Variants in TTN observed in about 807,000 individuals in gnomAD.
The protein encoded by TTN is connectin.
In TTN, 1,525 loss-of-function variants were observed where a neutral mutation model predicts 3,223.0. That is an observed-to-expected ratio of 0.47 (90% CI 0.45 to 0.49). The LOEUF (loss-of-function observed/expected upper bound fraction) is 0.49. Ranked by LOEUF, TTN falls within the 20% of genes least tolerant of loss-of-function variation. The pLI, the probability that TTN is intolerant of heterozygous loss-of-function variation, is 0.00. For missense variants in TTN, 40,786 were observed against 43,424.0 expected (o/e 0.94, Z 5.40); for synonymous variants, 14,094 against 15,161.0 (o/e 0.93, Z 5.17).
rs1347430347 is a variant in TTN at position 178,590,360 on chromosome 2, C to A, written c.61365G>T (p.Glu20455Asp). 4 of 1,577,816 alleles carry A rather than the reference C, an allele frequency of 2.5e-6. No homozygotes were observed. In the African/African-American group the frequency reaches 5.4e-5, roughly 21 times the overall value. The change falls in exon 304 of 363, where the codon GAG (glutamate) becomes GAT (aspartate). Residue 20455 changes from glutamate (E) to aspartate (D), a missense_variant. Coordinates refer to ENST00000589042, the MANE Select transcript of TTN (RefSeq NM_001267550.2). ...FRIKAANIVG[E>D]GEPRELAESV... is the part of the protein sequence containing the mutation. ...ATTCTGCTAGTTCTCTTGGCTCACC[C>A]TCTCCTACAATATTAGCTGCCTTTA... is the stretch of plus-strand genomic sequence containing the variant.
rs759560479 is a variant in TTN at position 178,701,222 on chromosome 2, G to A, written c.30599-19C>T. On this transcript the variant is annotated intron_variant, in intron 110 of 362. Coordinates refer to ENST00000589042, the MANE Select transcript of TTN (RefSeq NM_001267550.2). ...GGGATTTCTGAAGAAAATAAATGCC[G>A]TTAGTAACATGTTTTAGTTTCTTAT... The A allele has an allele frequency of 5.2e-5, 82 of 1,591,574 alleles. No individual in the cohort carries two copies. The highest frequency in any genetic ancestry group is 6.7e-5 in the Non-Finnish European group (78 of 1,168,202).
At position 178,576,632 on chromosome 2, in the gene TTN, C is replaced by T; in HGVS notation, c.69612G>A (p.Leu23204=). ...VSDLRCKVTG[L]QEGSTYEFRV... is the part of the protein sequence containing the mutation. ...GGAATTCGTAGGTGCTTCCTTCTTG[C>T]AGTCCTGTTACTTTGCACCTGAGAT... The change falls in exon 325 of 363, where the codon CTG becomes CTA. Residue 23204 remains leucine (L), a synonymous_variant. Coordinates refer to ENST00000589042, the MANE Select transcript of TTN (RefSeq NM_001267550.2). This position sits in a 1 kb window ranked among gnomAD's most constrained non-coding sequence, Gnocchi z 4.3. 6.2e-7 allele frequency: 1 copy of T among 1,613,584 alleles called. No homozygotes were observed. The highest frequency in any genetic ancestry group is 8.5e-7 in the Non-Finnish European group (1 of 1,179,618).
At chr2:178,640,788 C>T (rs545245875) in intron 220 of TTN, among the ~76,000 whole-genome samples, 158 bp from the exon 221 acceptor site, 3 of 151,936 alleles carry the variant, frequency 2.0e-5, no homozygotes, top group African/African-American at 7.2e-5. Context: ...GACTCTGCTT[C>T]CATTTATTTT....
chr2:178,792,032 T>C (rs1369807973), intron 10 of TTN, 40 bp downstream of exon 10: 2 of 1,604,292 alleles, frequency 1.2e-6, no homozygotes, highest in Non-Finnish European at 1.7e-6. Flanking sequence ...TAATGTGATA[T>C]TGTCAACAAA....
In TTN at chr2:178,542,750, T is replaced by G; in HGVS notation, c.97104A>C (p.Glu32368Asp). Residue 32368 changes from glutamate to aspartate, a missense_variant, in exon 348 of 363, where the codon GAA becomes GAC. By Grantham distance (45) the Glu-to-Asp change is conservative. Coordinates refer to ENST00000589042, the MANE Select transcript of TTN (RefSeq NM_001267550.2). Reference sequence around the variant, plus strand: ...ATTCTCCAGTATCTCTGATAGTGGTTTCACGGATGGTTAATTTAGCTACTT... The same window carrying G: ...ATTCTCCAGTATCTCTGATAGTGGTGTCACGGATGGTTAATTTAGCTACTT... ...HTKVAKLTIRETTIRDTGEYT... is the reference protein window; with the variant it reads ...HTKVAKLTIRDTTIRDTGEYT... 1 of 1,613,820 alleles carries G rather than the reference T, an allele frequency of 6.2e-7. No individual in the cohort carries two copies. The highest frequency in any genetic ancestry group is 8.5e-7 in the Non-Finnish European group (1 of 1,179,760).
intron 90 of TTN, 77 bp downstream of exon 90, chr2:178,714,909 G>A (rs1476604321): frequency 5.2e-6 from 8 of 1,524,024 alleles, no homozygotes; most frequent in Admixed American, 2.0e-5. Flanking sequence ...GATAAGACTG[G>A]GCTGGGGTGG....
intron 20 of TTN, among the ~76,000 whole-genome samples, chr2:178,781,479 G>C (rs1042463396): frequency 2.0e-5 from 3 of 152,118 alleles, no homozygotes; most frequent in African/African-American, 7.2e-5. Flanking sequence ...TCATTTTAAA[G>C]AATATTTATT....
At position 178,588,665 on chromosome 2, in the gene TTN, C is replaced by T. The variant is rs1391810054; in HGVS notation, c.63060G>A (p.Glu21020=). The stretch of plus-strand genomic sequence containing the variant: ...GGAGATTCTGTACTTTCATACGTCT[C>T]TCAGGGATTGCACTCTTGTTGACAG... ...WVPVNKSAIP[E]RRMKVQNLLP... is the part of the protein sequence containing the mutation. Residue 21020 remains glutamate, a synonymous_variant, in exon 304 of 363, where the codon GAG becomes GAA. Coordinates refer to ENST00000589042, the MANE Select transcript of TTN (RefSeq NM_001267550.2). The T allele has an allele frequency of 2.5e-6, 4 of 1,612,632 alleles. No homozygotes were observed. The highest frequency in any genetic ancestry group is 3.4e-6 in the Non-Finnish European group (4 of 1,179,306).
chr2:178,588,099 A>G lies in TTN; in HGVS notation c.63308T>C (p.Met21103Thr), dbSNP rs770900534. 6.2e-7 allele frequency: 1 copy of G among 1,612,902 alleles called. No individual in the cohort carries two copies. Among genetic ancestry groups the G allele is most frequent in the Admixed American group, 1.7e-5 (1 of 59,962 alleles). ...AGACGCATCTGCTATTTTTGGTCTC[A>G]TTTCCACAACATATCCAATGATCGG... ...GAPIIGYVVE[M>T]RPKIADASPD... Residue 21103 changes from methionine (M) to threonine (T), a missense_variant, in exon 305 of 363, where the codon ATG becomes ACG. Physicochemically the swap from Met to Thr is moderately conservative, Grantham distance 81. Coordinates refer to ENST00000589042, the MANE Select transcript of TTN (RefSeq NM_001267550.2).
At position 178,781,205 on chromosome 2, in the gene TTN, A is replaced by T; in HGVS notation, c.3439T>A (p.Phe1147Ile). Residue 1147 changes from phenylalanine (F) to isoleucine (I), a missense_variant, in exon 21 of 363, where the codon TTT becomes ATT. Phe to Ile is a conservative substitution (Grantham distance 21). Coordinates refer to ENST00000589042, the MANE Select transcript of TTN (RefSeq NM_001267550.2). ...GECKLVISMT[F>I]ADDAGEYTIV... The stretch of plus-strand genomic sequence containing the variant: ...GTGTATTCTCCAGCATCATCAGCAA[A>T]AGTCATAGAAATCACCAGCTTGCAT... 6.2e-7 allele frequency: 1 copy of T among 1,614,032 alleles called. No homozygotes were observed. Among genetic ancestry groups the T allele is most frequent in the Non-Finnish European group, 8.5e-7 (1 of 1,179,950 alleles).
At position 178,741,113 on chromosome 2, in the gene TTN, G is replaced by A; in HGVS notation, c.12120C>T (p.Cys4040=). ...GAGCCTCTGGTGTGGACTTTGCTTT[G>A]CAGGGGGTATCAGTCATGTCTGTGT... ...LEDTDMTDTP[C]KAKSTPEAPE... The change falls in exon 48 of 363, where the codon TGC becomes TGT. Residue 4040 remains cysteine (C), a synonymous_variant. Transcript: ENST00000589042. The A allele has an allele frequency of 6.2e-7, 1 of 1,613,752 alleles. No homozygotes were observed. The highest frequency in any genetic ancestry group is 8.5e-7 in the Non-Finnish European group (1 of 1,179,810).
Position 178,539,179 on chromosome 2 carries a change from G to C in TTN, c.98756C>G (p.Ser32919Cys). 1 of 1,613,744 alleles carries C rather than the reference G, an allele frequency of 6.2e-7. No individual in the cohort carries two copies. The highest frequency in any genetic ancestry group is 8.5e-7 in the Non-Finnish European group (1 of 1,179,762). Residue 32919 changes from serine to cysteine, a missense_variant, in exon 353 of 363, where the codon TCC becomes TGC. Ser to Cys is a moderately radical substitution (Grantham distance 112). Transcript: ENST00000589042. ...AGAACCACCATCATCTTTGGGCCGG[G>C]ACCAGGACAAGCTAACAGAACTCTT... ...VTKSSVSLSW[S>C]RPKDDGGSRV...
chr2:178,795,978 A>G (rs1431907445), intron 6 of TTN, among the ~76,000 whole-genome samples: 2 of 152,176 alleles, frequency 1.3e-5, no homozygotes, highest in Non-Finnish European at 2.9e-5. Context: ...CTTTAGAGTT[A>G]TTGTGGGAAT....
Position 178,636,386 on chromosome 2 carries a change from A to G in TTN, c.41329+12T>C, listed in dbSNP as rs757430941. On this transcript the variant is annotated intron_variant, in intron 225 of 362. Transcript: ENST00000589042. The surrounding 1 kb of genome is among the most constrained non-coding windows in gnomAD (Gnocchi z 4.3). ...GTTTAATATAGATTATGTTCAGAAGACTAGAAATTACCTTCTACAACAAGT... is the reference window on the plus strand; with the variant it reads ...GTTTAATATAGATTATGTTCAGAAGGCTAGAAATTACCTTCTACAACAAGT... 6.3e-6 allele frequency: 10 copies of G among 1,591,492 alleles called. No homozygotes were observed. In the African/African-American group the frequency reaches 9.5e-5, roughly 15 times the overall value.
In TTN at chr2:178,532,783, A is replaced by G; in HGVS notation, c.103832T>C (p.Ile34611Thr). ...EQFYVMPLPR[I>T]TDQYRPKWRI... ...CCATTTAGGTCTGTATTGATCTGTA[A>G]TGCGTGGAAGAGGCATCACATAGAA... The change falls in exon 358 of 363, where the codon ATT becomes ACT. Residue 34611 changes from isoleucine to threonine, a missense_variant. Ile to Thr is a moderately conservative substitution (Grantham distance 89). Coordinates refer to ENST00000589042, the MANE Select transcript of TTN (RefSeq NM_001267550.2). 1 of 1,613,996 alleles carries G rather than the reference A, an allele frequency of 6.2e-7. No individual in the cohort carries two copies.
At position 178,804,499 on chromosome 2, in the gene TTN, A is replaced by G; in HGVS notation, c.91+53T>C. On this transcript the variant is annotated intron_variant, in intron 2 of 362. Coordinates refer to ENST00000589042, the MANE Select transcript of TTN (RefSeq NM_001267550.2). ...TCAAGTCCTGCAGCAACGTTAACTT[A>G]CTGGAGAGGAGGCAAAGGAAAAAAA... is the stretch of plus-strand genomic sequence containing the variant. 9.0e-6 allele frequency: 14 copies of G among 1,562,126 alleles called. No individual in the cohort carries two copies. The South Asian group carries it at 1.6e-4, about 18-fold the overall frequency.
chr2:178,684,469 A>G (rs1226740731), intron 131 of TTN, 56 bp from the exon 132 acceptor site: 2 of 1,549,982 alleles, frequency 1.3e-6, no homozygotes, highest in Non-Finnish European at 1.8e-6. Flanking sequence ...TAAAAAATAT[A>G]CTAGCCAGAA....
chr2:178,730,124 T>C lies in TTN; in HGVS notation c.18276A>G (p.Thr6092=), dbSNP rs751657803. Residue 6092 remains threonine (T), a synonymous_variant, in exon 62 of 363, where the codon ACA becomes ACG. Transcript: ENST00000589042. ...CAAAGAGAGTGGCTTTGCTGGTTGC[T>C]GTGCCAACATCATTGCTTAGTTGGC... ...YICQLSNDVG[T]ATSKATLFVK... 1.2e-6 allele frequency: 2 copies of C among 1,608,106 alleles called. No homozygotes were observed. The highest frequency in any genetic ancestry group is 1.7e-6 in the Non-Finnish European group (2 of 1,177,052).
At chr2:178,759,889 A>G (rs1171747568) in intron 43 of TTN, among the ~76,000 whole-genome samples, 1 of 152,250 alleles carries the variant, frequency 6.6e-6, no homozygotes, top group Non-Finnish European at 1.5e-5. Flanking sequence ...AAGGATTTGA[A>G]CCATCTTAAA....
Sources: gnomAD v4.1 joint callset for allele counts (sites outside exome capture counted in the v4.1 genomes callset) on GRCh38, gnomAD v4.1.1 for gene constraint, Gnocchi (gnomAD v3.1) non-coding constraint, MANE v1.5 for transcripts, NCBI Gene and HGNC (gene_info 2026-07-23, HGNC 2026-07-21) for gene names.